Variants in WWOX observed in about 807,000 individuals in gnomAD.
WWOX encodes the protein WW domain containing oxidoreductase.
WWOX carries 69 observed loss-of-function variants against 46.2 expected under a neutral mutation model. That is an observed-to-expected ratio of 1.49 (90% CI 1.23 to 1.82). The LOEUF (loss-of-function observed/expected upper bound fraction) is 1.82. WWOX is among the 40% of genes most tolerant of loss of function. The probability of loss-of-function intolerance (pLI) is 0.00; values close to 1 mark genes in which losing one functional copy is unlikely to be tolerated. For synonymous variants in WWOX, 359 were observed against 202.6 expected (o/e 1.77, Z -6.56); for missense variants, 919 against 542.6 (o/e 1.69, Z -6.89).
intron 8 of WWOX, among the ~76,000 whole-genome samples, chr16:78,965,323 C>T (rs548790707): frequency 3.0e-4 from 46 of 152,200 alleles, no homozygotes; most frequent in Admixed American, 9.8e-4. Context: ...AATCCTAGCA[C>T]GTTGGGAGGC....
chr16:78,888,926 C>G (rs1013754111), intron 8 of WWOX, among the ~76,000 whole-genome samples: 1 of 151,188 alleles, frequency 6.6e-6, no homozygotes, highest in East Asian at 1.9e-4. Context: ...TCAAGCTTCT[C>G]CTTTTTCCCC....
chr16:78,956,512 A>G (rs998608241), intron 8 of WWOX, among the ~76,000 whole-genome samples: 1 of 152,178 alleles, frequency 6.6e-6, no homozygotes, highest in Admixed American at 6.5e-5. Context: ...TAAAGTCTAT[A>G]GGTTCATTAG....
chr16:78,752,565 C>T (rs1251152934), intron 8 of WWOX, among the ~76,000 whole-genome samples: 8 of 152,214 alleles, frequency 5.3e-5, no homozygotes, highest in Non-Finnish European at 1.2e-4. Flanking sequence ...GCCACCATGC[C>T]TGGCCAAGAA....
At chr16:78,400,581 C>G (rs566816350) in intron 6 of WWOX, among the ~76,000 whole-genome samples, 17 of 152,152 alleles carry the variant, frequency 1.1e-4, no homozygotes, top group African/African-American at 2.2e-4. Flanking sequence ...CCCAACTTGG[C>G]CCATGAATCC....
At chr16:78,819,644 A>G (rs974908630) in intron 8 of WWOX, among the ~76,000 whole-genome samples, 45 of 152,304 alleles carry the variant, frequency 3.0e-4, no homozygotes, top group African/African-American at 1.1e-3. Flanking sequence ...TCCCTTCAAT[A>G]AAAGTTGCTA....
intron 5 of WWOX, among the ~76,000 whole-genome samples, chr16:78,248,176 G>A (rs2037871114): frequency 6.6e-6 from 1 of 152,122 alleles, no homozygotes; most frequent in South Asian, 2.1e-4. Flanking sequence ...TGTACAGGAA[G>A]CATGATGCTA....
intron 8 of WWOX, among the ~76,000 whole-genome samples, chr16:79,046,792 C>T (rs2048073745): frequency 6.6e-6 from 1 of 152,290 alleles, no homozygotes; most frequent in Non-Finnish European, 1.5e-5. Context: ...ACCCTGCTCT[C>T]TTTGTCCCCC....
chr16:78,134,533 C>G (rs1368556884), intron 4 of WWOX, among the ~76,000 whole-genome samples: 1 of 152,072 alleles, frequency 6.6e-6, no homozygotes, highest in African/African-American at 2.4e-5. Flanking sequence ...TGGCTTATCT[C>G]TTCATTCTCT....
At chr16:79,132,127 AAC>A (rs141785224) in intron 8 of WWOX, among the ~76,000 whole-genome samples, 6,907 of 141,174 alleles carry the variant, frequency 0.049, 150 homozygotes, top group East Asian at 0.066. Context: ...CACTTGCAGA[AAC>A]ACACACACAC....
chr16:78,943,956 A>G (rs1009979971), intron 8 of WWOX, among the ~76,000 whole-genome samples: 3 of 152,220 alleles, frequency 2.0e-5, no homozygotes, highest in Non-Finnish European at 4.4e-5. Context: ...TTCTGTTGTC[A>G]GAAGAGTTCA....
intron 8 of WWOX, among the ~76,000 whole-genome samples, chr16:78,712,134 A>G (rs959540847): frequency 5.9e-5 from 9 of 152,266 alleles, no homozygotes; most frequent in East Asian, 3.9e-4. Context: ...GCTCTGACCA[A>G]TAAGCCAATG....
At chr16:78,142,496 A>T (rs977247508) in intron 4 of WWOX, among the ~76,000 whole-genome samples, 2 of 152,188 alleles carry the variant, frequency 1.3e-5, no homozygotes, top group Non-Finnish European at 2.9e-5. Context: ...TCATTCTCAC[A>T]GTTATATTTG....
chr16:79,210,754 T>C (rs75237830), intron 8 of WWOX, among the ~76,000 whole-genome samples: 29,716 of 152,036 alleles, frequency 0.2, 3,378 homozygotes, highest in East Asian at 0.31. Context: ...GCCCTCTTTA[T>C]AGCATCCCTG....
At chr16:78,101,519 C>T (rs1185824740) in intron 1 of WWOX, among the ~76,000 whole-genome samples, 12 of 151,954 alleles carry the variant, frequency 7.9e-5, no homozygotes, top group African/African-American at 2.4e-5. Flanking sequence ...GCTAATTTCG[C>T]GCTGTTGGCC....
chr16:78,620,212 A>T (rs1045685056), intron 8 of WWOX, among the ~76,000 whole-genome samples: 1 of 152,222 alleles, frequency 6.6e-6, no homozygotes, highest in Non-Finnish European at 1.5e-5. Flanking sequence ...GAACTGGCTT[A>T]ACCAAGAAGC....
intron 5 of WWOX, among the ~76,000 whole-genome samples, chr16:78,362,339 C>G (rs192075172): frequency 6.6e-6 from 1 of 152,100 alleles, no homozygotes. Context: ...ACAGGCATTA[C>G]AGGCTTAAGC....
At chr16:78,734,842 T>A (rs900452421) in intron 8 of WWOX, among the ~76,000 whole-genome samples, 2 of 23,690 alleles carry the variant, frequency 8.4e-5, no homozygotes, top group Non-Finnish European at 1.6e-4. Flanking sequence ...ACTTCAGTCC[T>A]TTTTTTTTTT....
intron 8 of WWOX, among the ~76,000 whole-genome samples, chr16:78,457,309 A>G (rs1249853252): frequency 6.6e-6 from 1 of 152,208 alleles, no homozygotes. Flanking sequence ...AGCAGCAAGA[A>G]GTCTTTTCAT....
chr16:78,380,959 C>G (rs1437593956), intron 5 of WWOX, among the ~76,000 whole-genome samples: 1 of 152,094 alleles, frequency 6.6e-6, no homozygotes. Flanking sequence ...TTCACTCTAT[C>G]TAATCTTCAC....
Sources: allele counts gnomAD v4.1 joint callset (sites outside exome capture counted in the v4.1 genomes callset), GRCh38; gene constraint gnomAD v4.1.1; transcripts MANE v1.5; gene names NCBI Gene and HGNC (gene_info 2026-07-23, HGNC 2026-07-21).